Variants in EPB41L5 observed in about 807,000 individuals in gnomAD.
The protein encoded by EPB41L5 is erythrocyte membrane protein band 4.1 like 5.
EPB41L5 carries 55 observed loss-of-function variants against 106.6 expected under a neutral mutation model. That is an observed-to-expected ratio of 0.52 (90% CI 0.42 to 0.65). The LOEUF is 0.65. EPB41L5 is among the 30% of genes least tolerant of loss of function. The pLI is 0.00. For synonymous variants in EPB41L5, 297 were observed against 306.7 expected (o/e 0.97, Z 0.33); for missense variants, 871 against 882.1 (o/e 0.99, Z 0.16).
chr2:120,045,701 A>T (rs191255507), intron 3 of EPB41L5, among the ~76,000 whole-genome samples: 2 of 152,078 alleles, frequency 1.3e-5, no homozygotes, highest in Non-Finnish European at 2.9e-5. Flanking sequence ...AAGTTCTAGG[A>T]TACATGTGCA....
chr2:120,033,012 G>A (rs1678819217), intron 2 of EPB41L5, among the ~76,000 whole-genome samples: 4 of 152,040 alleles, frequency 2.6e-5, no homozygotes, highest in African/African-American at 9.7e-5. Flanking sequence ...TGTTAAGTGC[G>A]TAATGAAATT....
At chr2:120,048,938 A>T (rs1305400454) in intron 3 of EPB41L5, among the ~76,000 whole-genome samples, 1 of 152,206 alleles carries the variant, frequency 6.6e-6, no homozygotes, top group Non-Finnish European at 1.5e-5. Context: ...GTATTCATTC[A>T]GGAGCAGGTT....
chr2:120,167,708 A>C (rs545951340), intron 23 of EPB41L5, among the ~76,000 whole-genome samples, 169 bp from the exon 24 acceptor site: 4 of 152,398 alleles, frequency 2.6e-5, no homozygotes, highest in Admixed American at 2.6e-4. Context: ...CAGAAACAAA[A>C]GTAAAAGTCT....
chr2:120,141,215 C>T (rs958985268), intron 18 of EPB41L5, among the ~76,000 whole-genome samples: 5 of 152,052 alleles, frequency 3.3e-5, no homozygotes, highest in Admixed American at 2.0e-4. Flanking sequence ...GTGTGGAATT[C>T]GCAGACGAGT....
rs1340782133 is a variant in EPB41L5 at position 120,068,214 on chromosome 2, A to G, written c.286-4964A>G. Among the ~76,000 whole-genome samples the G allele has an allele frequency of 2.6e-5, 4 of 152,222 alleles. No individual in the cohort carries two copies. The South Asian group carries it at 8.3e-4, about 31-fold the overall frequency. ...CCTCCCCTAGCCAAGAGAAGCCATG[A>G]GGGACTGTGCTGTGAGGAACGGTGC... On this transcript the variant is annotated intron_variant, in intron 3 of 24. Coordinates refer to ENST00000263713, the MANE Select transcript of EPB41L5 (RefSeq NM_020909.4).
chr2:120,073,220 A>C lies in EPB41L5; in HGVS notation c.328A>C (p.Ile110Leu). 1 of 1,609,408 alleles carries C rather than the reference A, an allele frequency of 6.2e-7. No homozygotes were observed. Among genetic ancestry groups the C allele is most frequent in the Non-Finnish European group, 8.5e-7 (1 of 1,178,674 alleles). The change falls in exon 4 of 25, where the codon ATT becomes CTT. Residue 110 changes from isoleucine to leucine, a missense_variant and splice_region_variant. Transcript: ENST00000263713. ...GTKSIKKQVK[I>L]GSPYCLHLRV... ...AAAAAGCATCAAAAAGCAAGTAAAA[A>C]GTAAGTGCAGACAAAATTATTTGTG...
intron 1 of EPB41L5, chr2:120,013,669 A>G (rs1677300489): frequency 6.6e-6 from 1 of 152,134 alleles, no homozygotes; most frequent in Non-Finnish European, 1.5e-5. Context: ...GTCTCTTGGG[A>G]AAGGAGAGGC....
chr2:120,077,092 G>A lies in EPB41L5; in HGVS notation c.626+1G>A. On this transcript the variant is annotated splice_donor_variant, in intron 8 of 24. Coordinates refer to ENST00000263713, the MANE Select transcript of EPB41L5 (RefSeq NM_020909.4). LOFTEE classifies it high-confidence loss of function. ...TTTTTGAGAAATGGAAGGAATACAG[G>A]TATCTGGCGTTTGACCATACTTTCT... The A allele has an allele frequency of 6.2e-7, 1 of 1,609,544 alleles. No homozygotes were observed. Among genetic ancestry groups the A allele is most frequent in the Middle Eastern group, 1.7e-4 (1 of 6,034 alleles).
intron 18 of EPB41L5, among the ~76,000 whole-genome samples, chr2:120,139,710 A>G (rs1686087387): frequency 6.6e-6 from 1 of 152,028 alleles, no homozygotes; most frequent in Non-Finnish European, 1.5e-5. Flanking sequence ...AGAGAAAGGA[A>G]CCCTTGTACA....
intron 10 of EPB41L5, among the ~76,000 whole-genome samples, chr2:120,085,883 T>G (rs1429131774): frequency 6.6e-6 from 1 of 152,168 alleles, no homozygotes; most frequent in African/African-American, 2.4e-5. Context: ...TAAGGTTGTC[T>G]TGAGAGTTAA....
At chr2:120,077,599 T>A (rs1308738607) in intron 9 of EPB41L5, among the ~76,000 whole-genome samples, 1 of 152,190 alleles carries the variant, frequency 6.6e-6, no homozygotes. Context: ...AAAAAATTGT[T>A]TTAAGCTTTT....
intron 18 of EPB41L5, among the ~76,000 whole-genome samples, chr2:120,141,604 A>G (rs1019622435): frequency 7.2e-5 from 11 of 152,058 alleles, no homozygotes; most frequent in African/African-American, 2.2e-4. Flanking sequence ...AGGTTCAACT[A>G]TTTTTTTCAT....
intron 16 of EPB41L5, among the ~76,000 whole-genome samples, chr2:120,117,849 G>A (rs960864270): frequency 1.3e-5 from 2 of 151,736 alleles, no homozygotes; most frequent in African/African-American, 2.4e-5. Context: ...CTCTCCCCCT[G>A]CCCCCTCCCC....
chr2:120,139,397 G>T (rs945780378), intron 18 of EPB41L5, among the ~76,000 whole-genome samples: 1 of 151,956 alleles, frequency 6.6e-6, no homozygotes, highest in Non-Finnish European at 1.5e-5. Flanking sequence ...ATGACCCACA[G>T]AATGGTAGAA....
At chr2:120,069,392 G>A (rs1053977105) in intron 3 of EPB41L5, among the ~76,000 whole-genome samples, 11 of 151,984 alleles carry the variant, frequency 7.2e-5, no homozygotes, top group Non-Finnish European at 1.2e-4. Context: ...ACACCCCACT[G>A]TCAATATTAG....
At chr2:120,120,336 A>G (rs1436680110) in intron 16 of EPB41L5, among the ~76,000 whole-genome samples, 1 of 151,372 alleles carries the variant, frequency 6.6e-6, no homozygotes, top group Non-Finnish European at 1.5e-5. Flanking sequence ...GGAGGCTGAG[A>G]CAGGAGAATC....
At chr2:120,081,691 A>G (rs1320566871) in intron 10 of EPB41L5, among the ~76,000 whole-genome samples, 2 of 152,170 alleles carry the variant, frequency 1.3e-5, no homozygotes, top group Admixed American at 6.5e-5. Flanking sequence ...TCTATAAATT[A>G]CCTTGGGCAG....
chr2:120,017,841 G>C (rs557228627), intron 1 of EPB41L5, among the ~76,000 whole-genome samples: 2 of 152,190 alleles, frequency 1.3e-5, no homozygotes, highest in South Asian at 4.2e-4. Flanking sequence ...TCTGCCACCC[G>C]GGCTGGAGTG....
At chr2:120,136,595 A>C (rs1685933842) in intron 18 of EPB41L5, among the ~76,000 whole-genome samples, 1 of 151,976 alleles carries the variant, frequency 6.6e-6, no homozygotes, top group African/African-American at 2.4e-5. Context: ...ACCAAAAAAG[A>C]GCAGGTTATT....
Sources: allele counts gnomAD v4.1 joint callset (sites outside exome capture counted in the v4.1 genomes callset), GRCh38; gene constraint gnomAD v4.1.1; transcripts MANE v1.5; gene names NCBI Gene and HGNC (gene_info 2026-07-23, HGNC 2026-07-21).